SNX25: variants seen among roughly 807,000 people sequenced by gnomAD.
SNX25 encodes sorting nexin-25.
In SNX25, 62 loss-of-function variants were observed where a neutral mutation model predicts 113.7. That is an observed-to-expected ratio of 0.55 (90% CI 0.44 to 0.67). The LOEUF (loss-of-function observed/expected upper bound fraction) is 0.67. SNX25 is among the 30% of genes least tolerant of loss of function. The pLI is 0.00. For synonymous variants in SNX25, 421 were observed against 436.2 expected (o/e 0.97, Z 0.43); for missense variants, 1,014 against 1,161.0 (o/e 0.87, Z 1.84).
chr4:185,237,114 T>TAGGAAGGAGC (rs1409789873), intron 1 of SNX25, among the ~76,000 whole-genome samples: 1 of 151,538 alleles, frequency 6.6e-6, no homozygotes, highest in Non-Finnish European at 1.5e-5. Flanking sequence ...TAGCTGCTCC[T>TAGGAAGGAGC]TCCTGTATCT....
chr4:185,313,478 C>T (rs115698591), intron 7 of SNX25, among the ~76,000 whole-genome samples: 38 of 152,114 alleles, frequency 2.5e-4, no homozygotes, highest in African/African-American at 9.2e-4. Flanking sequence ...TAACAGTCCC[C>T]CTCAGTAATA....
In SNX25 at chr4:185,217,689, T is replaced by C. The variant is rs151203694; in HGVS notation, c.429+7434T>C. On this transcript the variant is annotated intron_variant, in intron 1 of 18. Coordinates refer to ENST00000652585, the MANE Select transcript of SNX25 (RefSeq NM_001378034.2). ...GCTTCGTTTCCCAACCATATCATTT[T>C]GGGGATAGGAAGTGCCCTAGATTCC... Among the ~76,000 whole-genome samples, 1,051 of 152,306 alleles carry C rather than the reference T, an allele frequency of 6.9e-3. 8 individuals are homozygous for C. The highest frequency in any genetic ancestry group is 0.011 in the Non-Finnish European group (758 of 68,022).
chr4:185,371,306 A>G (rs182889603), downstream of SNX25, among the ~76,000 whole-genome samples: 2,453 of 152,128 alleles, frequency 0.016, 55 homozygotes, highest in African/African-American at 0.055. Flanking sequence ...TTGGGAGGCC[A>G]AGGCAGGCGG....
Position 185,351,544 on chromosome 4 carries a change from A to G in SNX25, c.2401A>G (p.Lys801Glu). ...YLKVIDVQGK[K>E]NSFSLSSFLE... ...CAAGGTTATCGACGTGCAGGGGAAA[A>G]AAAATTCTTTTTCATTATCCTCATT... is the stretch of plus-strand genomic sequence containing the variant. Residue 801 changes from lysine (K) to glutamate (E), a missense_variant, in exon 14 of 19, where the codon AAA (lysine) becomes GAA (glutamate). By Grantham distance (56) the Lys-to-Glu change is moderately conservative. Coordinates refer to ENST00000652585, the MANE Select transcript of SNX25 (RefSeq NM_001378034.2). 6.2e-7 allele frequency: 1 copy of G among 1,614,172 alleles called. No homozygotes were observed. The highest frequency in any genetic ancestry group is 8.5e-7 in the Non-Finnish European group (1 of 1,180,034).
intron 1 of SNX25, among the ~76,000 whole-genome samples, chr4:185,229,087 G>C (rs1052452104): frequency 1.3e-5 from 2 of 152,190 alleles, no homozygotes; most frequent in Admixed American, 1.3e-4. Context: ...GGCCATGAAA[G>C]ACTAGCAACG....
rs1199167755 is a variant in SNX25 at position 185,319,364 on chromosome 4, AT to A, written c.1345-1361del. Among the ~76,000 whole-genome samples, 4 of 147,952 alleles carry A rather than the reference AT, an allele frequency of 2.7e-5. No homozygotes were observed. In the Admixed American group the frequency reaches 2.7e-4, roughly 10 times the overall value. On this transcript the variant is annotated intron_variant, in intron 7 of 18. Coordinates refer to ENST00000652585, the MANE Select transcript of SNX25 (RefSeq NM_001378034.2). ...AGGCATGCACCACCACGCCCAGCTA[AT>A]TTTTTTTATTTTTAGTAGAGACGGG...
intron 1 of SNX25, among the ~76,000 whole-genome samples, chr4:185,239,774 CTTTTT>C: frequency 9.0e-6 from 1 of 110,744 alleles, no homozygotes; most frequent in East Asian, 2.5e-4. Context: ...TTTTTTTTTT[CTTTTT>C]TTTTTTTTTT....
chr4:185,206,207 C>G (rs1193571660), upstream of SNX25, among the ~76,000 whole-genome samples: 1 of 152,122 alleles, frequency 6.6e-6, no homozygotes, highest in East Asian at 1.9e-4. Context: ...ACTTATGCAC[C>G]CATGTTCATA....
intron 1 of SNX25, among the ~76,000 whole-genome samples, chr4:185,225,399 C>T (rs1391021004): frequency 3.9e-5 from 6 of 152,232 alleles, no homozygotes; most frequent in Non-Finnish European, 8.8e-5. Context: ...GCTGGGATTA[C>T]AGGCGTGAGC....
chr4:185,210,391 CGGGCCCGGCCGTGG>C lies in SNX25; in HGVS notation c.429+137_429+150del. ...AGCCGGGAGCCAGGGGGCTGGGCTG[CGGGCCCGGCCGTGG>C]ACGCGAGCGTTCCCCGGCGCCCGCG... On this transcript the variant is annotated intron_variant, in intron 1 of 18. Transcript: ENST00000652585. The surrounding 1 kb of genome is among the most constrained non-coding windows in gnomAD (Gnocchi z 4.4). 1.2e-6 allele frequency: 1 copy of C among 847,982 alleles called. No individual in the cohort carries two copies. Among genetic ancestry groups the C allele is most frequent in the Non-Finnish European group, 1.4e-6 (1 of 705,262 alleles). 52.5% of individuals were successfully genotyped at this position (847,982 alleles called of 1,614,324 possible).
chr4:185,305,754 T>A (rs375839549), intron 6 of SNX25, among the ~76,000 whole-genome samples: 24 of 152,360 alleles, frequency 1.6e-4, no homozygotes, highest in East Asian at 1.5e-3. Flanking sequence ...CCTTTTGCTC[T>A]GATCTCAGTA....
intron 1 of SNX25, among the ~76,000 whole-genome samples, chr4:185,229,659 C>T (rs531214308): frequency 2.6e-4 from 40 of 152,260 alleles, no homozygotes; most frequent in Non-Finnish European, 5.1e-4. Context: ...TGCTCAGGCA[C>T]AGTTTTGCTG....
At chr4:185,239,151 A>C (rs1024076684) in intron 1 of SNX25, among the ~76,000 whole-genome samples, 1 of 152,184 alleles carries the variant, frequency 6.6e-6, no homozygotes, top group African/African-American at 2.4e-5. Flanking sequence ...TAAAACGTAC[A>C]TGCTTTTTCA....
At chr4:185,268,665 G>A (rs1323836707) in intron 5 of SNX25, among the ~76,000 whole-genome samples, 1 of 152,116 alleles carries the variant, frequency 6.6e-6, no homozygotes, top group Non-Finnish European at 1.5e-5. Flanking sequence ...TGTGACATTT[G>A]CTTTTGAACT....
At chr4:185,377,891 C>T in the SNX25 span, 3 of 545,764 alleles carry the variant, frequency 5.5e-6, no homozygotes, top group Non-Finnish European at 6.4e-6. Context: ...ATCTGTGAGA[C>T]CTCACTGACG....
At chr4:185,217,615 G>A (rs1276003102) in intron 1 of SNX25, among the ~76,000 whole-genome samples, 1 of 152,154 alleles carries the variant, frequency 6.6e-6, no homozygotes, top group Non-Finnish European at 1.5e-5. Flanking sequence ...AGCATACGAT[G>A]TCACATTGGT....
rs1052361097 is a variant in SNX25, at chr4:185,209,779, G to A, written c.-48G>A. The A allele has an allele frequency of 1.1e-3, 1,078 of 983,914 alleles. No individual in the cohort carries two copies. The highest frequency in any genetic ancestry group is 1.3e-3 in the Non-Finnish European group (1,044 of 829,410). The allele number at this position is 983,914 out of a possible 1,614,324, so 60.9% of individuals were successfully genotyped here. Reference sequence around the variant, plus strand: ...CCCTGCCTCCGGAGCGCCGGCGGGGGACCGGGGGGCAGGAGATGTGCCTGT... The same window carrying A: ...CCCTGCCTCCGGAGCGCCGGCGGGGAACCGGGGGGCAGGAGATGTGCCTGT... On this transcript the variant is annotated 5_prime_UTR_variant, in exon 1 of 19. Transcript: ENST00000652585. This position sits in a 1 kb window ranked among gnomAD's most constrained non-coding sequence, Gnocchi z 5.2.
intron 5 of SNX25, among the ~76,000 whole-genome samples, chr4:185,267,697 C>T (rs554878498): frequency 3.1e-4 from 47 of 151,414 alleles, no homozygotes; most frequent in African/African-American, 1.1e-3. Context: ...CACCACTGCA[C>T]TCCAGCCTGG....
chr4:185,294,864 G>A (rs780768641), intron 6 of SNX25, among the ~76,000 whole-genome samples: 3 of 150,962 alleles, frequency 2.0e-5, no homozygotes, highest in Non-Finnish European at 4.4e-5. Context: ...AGCATTCCTC[G>A]TTGTCCTTAC....
Sources: allele counts gnomAD v4.1 joint callset (sites outside exome capture counted in the v4.1 genomes callset), GRCh38; gene constraint gnomAD v4.1.1; non-coding constraint Gnocchi (gnomAD v3.1); transcripts MANE v1.5; gene names NCBI Gene and HGNC (gene_info 2026-07-23, HGNC 2026-07-21).